The following SMPD3 variants were observed in gnomAD, a reference collection of about 807,000 sequenced individuals.
SMPD3 encodes sphingomyelin phosphodiesterase 3, also known as nSMase-2.
A neutral mutation model predicts 55.7 loss-of-function variants in SMPD3; 21 were observed. The ratio of observed to expected loss-of-function variants is 0.38; its 90% CI spans 0.27 to 0.54. The LOEUF (loss-of-function observed/expected upper bound fraction) is 0.54, where lower values mean the gene tolerates loss of function less well. Among genes scored for constraint, SMPD3 ranks in the 20% least tolerant of loss-of-function variants. The pLI, the probability that SMPD3 is intolerant of heterozygous loss-of-function variation, is 0.80. For synonymous variants in SMPD3, 457 were observed against 404.3 expected, an observed-to-expected ratio of 1.13 and a Z score of -1.56; for missense variants, 842 against 899.6, an observed-to-expected ratio of 0.94 and a Z score of 0.82.
chr16:68,364,543 C>G, intron 5 of SMPD3: 1 of 604,842 alleles, frequency 1.7e-6, no homozygotes, highest in East Asian at 3.0e-5. Flanking sequence ...TTTAGGGCAT[C>G]TCTGTCTCCA....
intron 1 of SMPD3, among the ~76,000 whole-genome samples, chr16:68,397,805 C>T (rs1013219580): frequency 5.3e-5 from 8 of 152,204 alleles, no homozygotes; most frequent in Non-Finnish European, 1.0e-4. Flanking sequence ...GCCTTCCCCC[C>T]TCCCCTGGTG....
intron 1 of SMPD3, among the ~76,000 whole-genome samples, chr16:68,421,971 C>T (rs1462128308): frequency 1.3e-5 from 2 of 152,088 alleles, no homozygotes; most frequent in Non-Finnish European, 2.9e-5. Context: ...ATAGGCCCAA[C>T]GTAACGACAA....
intron 1 of SMPD3, among the ~76,000 whole-genome samples, chr16:68,402,886 C>G (rs1223307314): frequency 1.3e-5 from 2 of 152,224 alleles, no homozygotes; most frequent in East Asian, 1.9e-4. Context: ...TAGGAGACTT[C>G]CAGGAAGACG....
intron 2 of SMPD3, among the ~76,000 whole-genome samples, chr16:68,384,238 C>T (rs775339135): frequency 3.3e-5 from 5 of 152,178 alleles, no homozygotes; most frequent in Non-Finnish European, 5.9e-5. Context: ...CCCTGACAGC[C>T]GTCATCTGTG....
Position 68,409,826 on chromosome 16 carries a change from T to TC in SMPD3, c.-268-23168dup, listed in dbSNP as rs2090284373. ...GCCGGGATGGTCTCGACTCCTGACC[T>TC]CGTGATCTGCCCGCCTCAGCTTCCC... On this transcript the variant is annotated intron_variant, in intron 1 of 8. Coordinates refer to ENST00000219334, the MANE Select transcript of SMPD3 (RefSeq NM_018667.4). Among the ~76,000 whole-genome samples the TC allele has an allele frequency of 2.0e-5, 3 of 152,314 alleles. No homozygotes were observed. The South Asian group carries it at 6.2e-4, about 32-fold the overall frequency.
chr16:68,412,480 A>C (rs1157855920), intron 1 of SMPD3, among the ~76,000 whole-genome samples: 1 of 152,170 alleles, frequency 6.6e-6, no homozygotes, highest in Non-Finnish European at 1.5e-5. Context: ...AGTAAGTAGA[A>C]AGCAGCTCTG....
At chr16:68,405,249 T>G (rs1421163429) in intron 1 of SMPD3, among the ~76,000 whole-genome samples, 2 of 151,916 alleles carry the variant, frequency 1.3e-5, no homozygotes, top group Non-Finnish European at 2.9e-5. Context: ...CTTGGCAGGT[T>G]TCATTAAGAG....
intron 1 of SMPD3, among the ~76,000 whole-genome samples, chr16:68,417,416 T>G (rs1319472701): frequency 6.6e-6 from 1 of 152,202 alleles, no homozygotes; most frequent in East Asian, 1.9e-4. Context: ...CCAGAGCCAC[T>G]CTGGCCCTGC....
rs770372346 is a variant in SMPD3 at position 68,364,829 on chromosome 16, A to G, written c.1477T>C (p.Ser493Pro). 2 of 1,613,844 alleles carry G rather than the reference A, an allele frequency of 1.2e-6. No homozygotes were observed. Among genetic ancestry groups the G allele is most frequent in the Non-Finnish European group, 1.7e-6 (2 of 1,180,030 alleles). ...AGCTCCTCGGGGTTGGCTGCGCTGG[A>G]CGAGGAGGTAGATTTTCGGAAATCA... ...LADFRKSTSSSSAANPEELVA... is the reference protein window; with the variant it reads ...LADFRKSTSSPSAANPEELVA... Residue 493 changes from serine (S) to proline (P), a missense_variant, in exon 5 of 9, where the codon TCC becomes CCC. Around this residue, in one of 2 missense-constraint regions of SMPD3, gnomAD observed 649 missense variants for 643.6 expected, o/e 1.01. Transcript: ENST00000219334.
intron 1 of SMPD3, among the ~76,000 whole-genome samples, chr16:68,433,891 G>T: frequency 6.7e-6 from 1 of 150,090 alleles, no homozygotes; most frequent in African/African-American, 2.5e-5. Context: ...TTAGGTCATG[G>T]AATATTATTT....
chr16:68,390,799 G>C (rs967835571), intron 1 of SMPD3, among the ~76,000 whole-genome samples: 1 of 152,260 alleles, frequency 6.6e-6, no homozygotes, highest in Admixed American at 6.5e-5. Context: ...AAGGCAAGGA[G>C]GGTGCCATGG....
At chr16:68,414,870 A>G (rs1469093273) in intron 1 of SMPD3, among the ~76,000 whole-genome samples, 1 of 152,194 alleles carries the variant, frequency 6.6e-6, no homozygotes, top group Middle Eastern at 3.2e-3. Flanking sequence ...GCAGGAGATG[A>G]TGAATCTGGA....
At chr16:68,361,498 A>T in intron 8 of SMPD3, 105 bp downstream of exon 8, 1 of 1,497,546 alleles carries the variant, frequency 6.7e-7, no homozygotes, top group Non-Finnish European at 9.0e-7. Flanking sequence ...TCATTGTAAG[A>T]GTGGCCTGGG....
intron 1 of SMPD3, among the ~76,000 whole-genome samples, chr16:68,429,397 A>C (rs1014326358): frequency 1.3e-5 from 2 of 152,160 alleles, no homozygotes; most frequent in Non-Finnish European, 2.9e-5. Context: ...TGATAAGGGC[A>C]CTCTGACTGC....
intron 1 of SMPD3, among the ~76,000 whole-genome samples, chr16:68,423,421 A>G (rs1209867387): frequency 1.3e-5 from 2 of 152,172 alleles, no homozygotes; most frequent in Non-Finnish European, 2.9e-5. Context: ...GTGGGGATCC[A>G]TGATGGGGCT....
rs201160368 is a variant in SMPD3, at chr16:68,366,901, A to G, written c.1324-1809T>C. 2.0e-5 allele frequency among the ~76,000 whole-genome samples: 3 copies of G among 152,158 alleles called. No individual in the cohort carries two copies. The East Asian group carries it at 5.8e-4, about 29-fold the overall frequency. On this transcript the variant is annotated intron_variant, in intron 3 of 8. Transcript: ENST00000219334. ...TATGTGCCTGTAATCCCAGCTATTC[A>G]GGAGGGTGAGGCAGGAGAATCGCTT...
intron 1 of SMPD3, among the ~76,000 whole-genome samples, chr16:68,419,695 AG>A (rs1216849397): frequency 1.1e-4 from 17 of 152,342 alleles, no homozygotes; most frequent in Admixed American, 9.2e-4. Context: ...AACATAGCAC[AG>A]ATGCCCCAGG....
chr16:68,407,237 C>T (rs746932105), intron 1 of SMPD3, among the ~76,000 whole-genome samples: 18 of 152,224 alleles, frequency 1.2e-4, no homozygotes, highest in East Asian at 1.9e-4. Context: ...GAAAACCAAA[C>T]GTAGGCGAGG....
intron 1 of SMPD3, among the ~76,000 whole-genome samples, chr16:68,419,731 AATG>A (rs530416249): frequency 2.0e-5 from 3 of 152,318 alleles, no homozygotes; most frequent in African/African-American, 7.2e-5. Flanking sequence ...AACCCCATGT[AATG>A]ATGATGATGA....
Sources: gnomAD v4.1 joint callset for allele counts (sites outside exome capture counted in the v4.1 genomes callset) on GRCh38, gnomAD v4.1.1 for gene constraint, gnomAD v4.1.1 regional missense constraint, MANE v1.5 for transcripts, NCBI Gene and HGNC (gene_info 2026-07-23, HGNC 2026-07-21) for gene names.